TCERG1L: variants seen among roughly 807,000 people sequenced by gnomAD.
TCERG1L encodes the protein transcription elongation regulator 1-like protein.
A neutral mutation model predicts 56.3 loss-of-function variants in TCERG1L; 37 were observed. The observed-to-expected ratio is 0.66, with a 90% CI of 0.51 to 0.87. The LOEUF is 0.87. TCERG1L is among the 40% of genes least tolerant of loss of function. The pLI is 0.00. For missense variants in TCERG1L, 799 were observed against 774.2 expected (o/e 1.03, Z -0.38); for synonymous variants, 324 against 326.3 (o/e 0.99, Z 0.08).
intron 4 of TCERG1L, among the ~76,000 whole-genome samples, chr10:131,257,676 T>C (rs926098158): frequency 6.6e-6 from 1 of 151,486 alleles, no homozygotes; most frequent in African/African-American, 2.4e-5. Context: ...CTGGGGGTTG[T>C]AGGATTGTGG....
intron 1 of TCERG1L, among the ~76,000 whole-genome samples, chr10:131,310,357 T>A (rs1438506): frequency 0.27 from 40,430 of 152,162 alleles, 6,181 homozygotes; most frequent in Non-Finnish European, 0.34. Flanking sequence ...CAGTGCTGCA[T>A]ATGTGATGTA....
At chr10:131,295,720 T>C (rs908365437) in intron 3 of TCERG1L, among the ~76,000 whole-genome samples, 4 of 152,336 alleles carry the variant, frequency 2.6e-5, no homozygotes, top group African/African-American at 9.6e-5. Context: ...CATTTCTTTG[T>C]GGTTGGAAAC....
chr10:131,158,864 G>C (rs960548677), intron 6 of TCERG1L, among the ~76,000 whole-genome samples: 1 of 152,194 alleles, frequency 6.6e-6, no homozygotes, highest in Non-Finnish European at 1.5e-5. Flanking sequence ...GCTTGGCCGC[G>C]AGAGGGAGGA....
chr10:131,150,147 G>T (rs931554222), intron 6 of TCERG1L, among the ~76,000 whole-genome samples: 6 of 152,208 alleles, frequency 3.9e-5, no homozygotes, highest in African/African-American at 1.2e-4. Flanking sequence ...CCAGGAGCCT[G>T]ACCTCACCTG....
At chr10:131,299,267 C>A (rs933563193) in intron 3 of TCERG1L, among the ~76,000 whole-genome samples, 10 of 152,178 alleles carry the variant, frequency 6.6e-5, no homozygotes, top group Admixed American at 2.0e-4. Flanking sequence ...TGAAAACCTG[C>A]AAACTTCTGT....
At chr10:131,246,558 CAG>C (rs1312349923) in intron 4 of TCERG1L, among the ~76,000 whole-genome samples, 2 of 152,122 alleles carry the variant, frequency 1.3e-5, no homozygotes, top group Non-Finnish European at 2.9e-5. Flanking sequence ...CGGCAAAAAA[CAG>C]AGGACAAGTT....
chr10:131,116,726 C>T (rs1845462367), intron 9 of TCERG1L, 73 bp downstream of exon 9: 2 of 1,532,680 alleles, frequency 1.3e-6, no homozygotes, highest in Non-Finnish European at 8.8e-7. Context: ...GACCCTCAGG[C>T]AGGGACGGCC....
chr10:131,144,627 A>C (rs761854264), intron 7 of TCERG1L, among the ~76,000 whole-genome samples: 3 of 152,188 alleles, frequency 2.0e-5, no homozygotes, highest in African/African-American at 7.2e-5. Context: ...TCCTCTCTTT[A>C]TATGAGGAGG....
chr10:131,146,390 C>T (rs1845794495), intron 7 of TCERG1L, 116 bp downstream of exon 7: 13 of 1,217,050 alleles, frequency 1.1e-5, no homozygotes, highest in Admixed American at 2.7e-5. Flanking sequence ...GCACAGGATT[C>T]CTTAATAGTC....
intron 5 of TCERG1L, among the ~76,000 whole-genome samples, chr10:131,166,049 A>G (rs769471486): frequency 1.4e-3 from 211 of 152,308 alleles, no homozygotes; most frequent in East Asian, 5.8e-4. Context: ...TTTGTGATCA[A>G]TTTTCACCAC....
chr10:131,275,425 A>G (rs1846381183), intron 3 of TCERG1L, among the ~76,000 whole-genome samples: 1 of 152,200 alleles, frequency 6.6e-6, no homozygotes, highest in Non-Finnish European at 1.5e-5. Flanking sequence ...CAGTTTAGGG[A>G]TACTAATGCG....
At chr10:131,178,663 C>T (rs1043677405) in intron 4 of TCERG1L, among the ~76,000 whole-genome samples, 8 of 152,266 alleles carry the variant, frequency 5.3e-5, no homozygotes, top group African/African-American at 1.4e-4. Context: ...CATGTGGTCT[C>T]GCCTGTGGGT....
At chr10:131,128,917 T>C (rs1398486821) in intron 8 of TCERG1L, among the ~76,000 whole-genome samples, 1 of 152,124 alleles carries the variant, frequency 6.6e-6, no homozygotes, top group Non-Finnish European at 1.5e-5. Context: ...AAAGCTCGGC[T>C]CTGACGGCAG....
chr10:131,148,421 CACAG>C (rs1450025296), intron 6 of TCERG1L, among the ~76,000 whole-genome samples: 3 of 100,528 alleles, frequency 3.0e-5, no homozygotes, highest in Non-Finnish European at 4.8e-5. Flanking sequence ...CACACATGCA[CACAG>C]AGACACACAC....
chr10:131,130,308 G>A (rs1450155016), intron 8 of TCERG1L, among the ~76,000 whole-genome samples: 1 of 152,094 alleles, frequency 6.6e-6, no homozygotes, highest in Non-Finnish European at 1.5e-5. Context: ...CCTCCCACTG[G>A]GTCCCTCTCA....
In TCERG1L at chr10:131,311,522, G is replaced by GGGCGGC. The variant is rs891363436; in HGVS notation, c.108_113dup (p.Pro37_Pro38dup). On this transcript the variant is annotated inframe_insertion, in exon 1 of 12. Coordinates refer to ENST00000368642, the MANE Select transcript of TCERG1L (RefSeq NM_174937.4). The surrounding 1 kb of genome is among the most constrained non-coding windows in gnomAD (Gnocchi z 4.0). ...CCGAGCCCGGCACCATCCAGACCCA[G>GGGCGGC]GGCGGCGGCGGCGGCGGCTCTGCGT... 3.5e-5 allele frequency: 42 copies of GGGCGGC among 1,200,492 alleles called. No individual in the cohort carries two copies. The highest frequency in any genetic ancestry group is 8.4e-5 in the Admixed American group (2 of 23,722). The allele number at this position is 1,200,492 out of a possible 1,614,324, so 74.4% of individuals were successfully genotyped here.
At chr10:131,123,229 A>G (rs556073950) in intron 8 of TCERG1L, among the ~76,000 whole-genome samples, 1 of 152,212 alleles carries the variant, frequency 6.6e-6, no homozygotes, top group Non-Finnish European at 1.5e-5. Flanking sequence ...AGAGGCAGGG[A>G]CAGAGAGTAA....
intron 4 of TCERG1L, among the ~76,000 whole-genome samples, chr10:131,254,029 C>G (rs547344266): frequency 6.6e-6 from 1 of 152,248 alleles, no homozygotes; most frequent in African/African-American, 2.4e-5. Flanking sequence ...GGACTCGGGC[C>G]ACGTGCTGGA....
At chr10:131,216,774 C>T (rs1016599195) in intron 4 of TCERG1L, among the ~76,000 whole-genome samples, 4 of 152,164 alleles carry the variant, frequency 2.6e-5, no homozygotes, top group Admixed American at 6.5e-5. Context: ...GTGCTGGCTG[C>T]GGGCCAGGCA....
Sources: gnomAD v4.1 joint callset for allele counts (sites outside exome capture counted in the v4.1 genomes callset) on GRCh38, gnomAD v4.1.1 for gene constraint, Gnocchi (gnomAD v3.1) non-coding constraint, MANE v1.5 for transcripts, NCBI Gene and HGNC (gene_info 2026-07-23, HGNC 2026-07-21) for gene names.